The following TMEM132C variants were observed in gnomAD, a reference collection of about 807,000 sequenced individuals.
The protein encoded by TMEM132C is transmembrane protein 132C, also known as protein phosphatase 1, regulatory subunit 152.
TMEM132C carries 29 observed loss-of-function variants against 61.4 expected under a neutral mutation model. That is an observed-to-expected ratio of 0.47 (90% CI 0.35 to 0.64). The LOEUF is 0.64. TMEM132C is among the 30% of genes least tolerant of loss of function. TMEM132C has a pLI of 0.00. For synonymous variants in TMEM132C, 656 were observed against 633.1 expected (o/e 1.04, Z -0.54); for missense variants, 1,408 against 1,476.9 (o/e 0.95, Z 0.76).
At chr12:128,424,025 C>T (rs1189304620) in intron 2 of TMEM132C, among the ~76,000 whole-genome samples, 2 of 107,786 alleles carry the variant, frequency 1.9e-5, no homozygotes, top group Non-Finnish European at 3.4e-5. Context: ...CCAGCCTGGG[C>T]AACAGAGCGA....
chr12:128,283,855 T>G (rs1158382023), intron 1 of TMEM132C, among the ~76,000 whole-genome samples: 2 of 152,142 alleles, frequency 1.3e-5, no homozygotes, highest in African/African-American at 4.8e-5. Context: ...TTGCCACTCC[T>G]CTGACCCCCT....
At chr12:128,453,908 A>T (rs11832791) in intron 2 of TMEM132C, among the ~76,000 whole-genome samples, 24,610 of 152,066 alleles carry the variant, frequency 0.16, 3,051 homozygotes, top group African/African-American at 0.33. Flanking sequence ...TTCGATTTTT[A>T]AAAAAATCCC....
chr12:128,410,143 G>T (rs1451145815), intron 1 of TMEM132C, among the ~76,000 whole-genome samples: 1 of 152,068 alleles, frequency 6.6e-6, no homozygotes, highest in Non-Finnish European at 1.5e-5. Flanking sequence ...AAGATGTCTT[G>T]CTTACATTTT....
At chr12:128,658,071 G>A (rs1366007636) in intron 4 of TMEM132C, among the ~76,000 whole-genome samples, 1 of 138,830 alleles carries the variant, frequency 7.2e-6, no homozygotes, top group South Asian at 2.4e-4. Context: ...GAGGCCTCAA[G>A]GCAGGAGCAG....
chr12:128,588,892 A>G (rs1316935762), intron 3 of TMEM132C, among the ~76,000 whole-genome samples: 1 of 152,156 alleles, frequency 6.6e-6, no homozygotes, highest in Non-Finnish European at 1.5e-5. Context: ...ACCAGCCAAG[A>G]TACCTGGTGT....
At position 128,649,811 on chromosome 12, in the gene TMEM132C, C is replaced by G. The variant is rs577241987; in HGVS notation, c.1306-19606C>G. ...AGCATGAGGCATTCCAAAGATGGTG[C>G]CTGCTTAAATTGAATTGCTTTCTTT... On this transcript the variant is annotated intron_variant, in intron 4 of 8. Coordinates refer to ENST00000435159, the MANE Select transcript of TMEM132C (RefSeq NM_001136103.3). Among the ~76,000 whole-genome samples, 267 of 152,274 alleles carry G rather than the reference C, an allele frequency of 1.8e-3. 2 individuals are homozygous for G. Among genetic ancestry groups the G allele is most frequent in the African/African-American group, 6.0e-3 (251 of 41,550 alleles).
At chr12:128,541,368 G>A (rs1263387197) in intron 2 of TMEM132C, among the ~76,000 whole-genome samples, 2 of 152,118 alleles carry the variant, frequency 1.3e-5, no homozygotes, top group South Asian at 2.1e-4. Context: ...AGGTATGATT[G>A]ATTAAATATT....
chr12:128,668,840 T>TCTC (rs1374898224), intron 4 of TMEM132C, among the ~76,000 whole-genome samples: 1 of 152,090 alleles, frequency 6.6e-6, no homozygotes, highest in Admixed American at 6.5e-5. Context: ...CACTGCAACA[T>TCTC]CTCCTCCTCC....
chr12:128,692,797 T>C (rs897647621), intron 5 of TMEM132C, among the ~76,000 whole-genome samples: 1 of 152,230 alleles, frequency 6.6e-6, no homozygotes, highest in African/African-American at 2.4e-5. Context: ...GATAGAGTCA[T>C]ATTTGAATGA....
At position 128,427,362 on chromosome 12, in the gene TMEM132C, T is replaced by C. The variant is rs147331260; in HGVS notation, c.974+11742T>C. Among the ~76,000 whole-genome samples the C allele has an allele frequency of 1.5e-4, 23 of 151,612 alleles. 1 individual carries two copies. The East Asian group carries it at 4.5e-3, about 29-fold the overall frequency. Reference sequence around the variant, plus strand: ...GGGTGTGTTTTTTTGTATTTATTAGTCCTTTTAGTTTCTACTTCCAAAGGG... The same window carrying C: ...GGGTGTGTTTTTTTGTATTTATTAGCCCTTTTAGTTTCTACTTCCAAAGGG... On this transcript the variant is annotated intron_variant, in intron 2 of 8. Transcript: ENST00000435159.
chr12:128,532,529 C>G (rs1373494534), intron 2 of TMEM132C, among the ~76,000 whole-genome samples: 2 of 148,930 alleles, frequency 1.3e-5, no homozygotes, highest in Non-Finnish European at 3.0e-5. Context: ...ATCCCAGCTA[C>G]TTGGGAGGCT....
At chr12:128,521,452 C>T (rs951200314) in intron 2 of TMEM132C, among the ~76,000 whole-genome samples, 8 of 149,874 alleles carry the variant, frequency 5.3e-5, no homozygotes, top group African/African-American at 2.0e-4. Context: ...CCCCCAGCCC[C>T]CAGCCCCCCA....
chr12:128,588,804 T>G (rs1875643901), intron 3 of TMEM132C, among the ~76,000 whole-genome samples: 1 of 152,184 alleles, frequency 6.6e-6, no homozygotes, highest in Non-Finnish European at 1.5e-5. Flanking sequence ...ACCCTGGGCT[T>G]CGGCCTGCAG....
intron 3 of TMEM132C, among the ~76,000 whole-genome samples, chr12:128,564,202 C>T (rs1334849149): frequency 6.6e-6 from 1 of 152,170 alleles, no homozygotes; most frequent in Non-Finnish European, 1.5e-5. Context: ...AAGATCTCAT[C>T]TAAACTTAAC....
chr12:128,406,383 A>G (rs939558580), intron 1 of TMEM132C, among the ~76,000 whole-genome samples: 14 of 152,212 alleles, frequency 9.2e-5, no homozygotes, highest in Non-Finnish European at 1.8e-4. Context: ...GGATAAACAC[A>G]CTATCCTTTT....
In TMEM132C at chr12:128,475,946, G is replaced by A. The variant is rs375358679; in HGVS notation, c.974+60326G>A. Among the ~76,000 whole-genome samples the A allele has an allele frequency of 1.9e-4, 29 of 152,242 alleles. No homozygotes were observed. The South Asian group carries it at 2.3e-3, about 12-fold the overall frequency. Reference sequence around the variant, plus strand: ...GTAGGTGGTTCACTGTCCCCCATCCGCTTCCACCAGTGGCTCAGGAACCTA... The same window carrying A: ...GTAGGTGGTTCACTGTCCCCCATCCACTTCCACCAGTGGCTCAGGAACCTA... On this transcript the variant is annotated intron_variant, in intron 2 of 8. Transcript: ENST00000435159.
In TMEM132C at chr12:128,688,603, T is replaced by C. The variant is rs76709989; in HGVS notation, c.1450-5226T>C. 3.3e-5 allele frequency among the ~76,000 whole-genome samples: 5 copies of C among 152,244 alleles called. No individual in the cohort carries two copies. In the East Asian group the frequency reaches 7.7e-4, roughly 24 times the overall value. Reference sequence around the variant, plus strand: ...AGAACAATGAGTTATAGAGGAAACATTGTAACAGAAAAATCATTCTAAGTG... The same window carrying C: ...AGAACAATGAGTTATAGAGGAAACACTGTAACAGAAAAATCATTCTAAGTG... On this transcript the variant is annotated intron_variant, in intron 5 of 8. Coordinates refer to ENST00000435159, the MANE Select transcript of TMEM132C (RefSeq NM_001136103.3).
chr12:128,706,105 C>T lies in TMEM132C; in HGVS notation c.3137C>T (p.Ser1046Leu), dbSNP rs944283043. Residue 1046 changes from serine (S) to leucine (L), a missense_variant, in exon 9 of 9, where the codon TCG becomes TTG. Coordinates refer to ENST00000435159, the MANE Select transcript of TMEM132C (RefSeq NM_001136103.3). ...GREQKQDPLHSPTSKRKKVKF... is the reference protein window; with the variant it reads ...GREQKQDPLHLPTSKRKKVKF... ...GAACAGAAGCAGGACCCCCTGCACT[C>T]GCCCACCTCCAAGAGGAAGAAGGTG... 66 of 1,551,448 alleles carry T rather than the reference C, an allele frequency of 4.3e-5. No homozygotes were observed. Among genetic ancestry groups the T allele is most frequent in the Middle Eastern group, 1.7e-4 (1 of 6,010 alleles).
Position 128,415,105 on chromosome 12 carries a change from C to G in TMEM132C, c.459C>G (p.Ile153Met). The G allele has an allele frequency of 1.9e-6, 3 of 1,609,082 alleles. No individual in the cohort carries two copies. The South Asian group carries it at 3.3e-5, about 18-fold the overall frequency. ...SRPKVQVLFH[I>M]MGRDWDDHGA... Reference sequence around the variant, plus strand: ...CCAAAGTGCAGGTTCTTTTCCACATCATGGGCAGAGACTGGGATGACCACG... The same window carrying G: ...CCAAAGTGCAGGTTCTTTTCCACATGATGGGCAGAGACTGGGATGACCACG... Residue 153 changes from isoleucine to methionine, a missense_variant, in exon 2 of 9, where the codon ATC (isoleucine) becomes ATG (methionine). Coordinates refer to ENST00000435159, the MANE Select transcript of TMEM132C (RefSeq NM_001136103.3). This position sits in a 1 kb window ranked among gnomAD's most constrained non-coding sequence, Gnocchi z 5.8.
Sources: allele counts gnomAD v4.1 joint callset (sites outside exome capture counted in the v4.1 genomes callset), GRCh38; gene constraint gnomAD v4.1.1; non-coding constraint Gnocchi (gnomAD v3.1); transcripts MANE v1.5; gene names NCBI Gene and HGNC (gene_info 2026-07-23, HGNC 2026-07-21).